The following AK8 variants were observed in gnomAD, a reference collection of about 807,000 sequenced individuals.
The protein encoded by AK8 is adenylate kinase 8, also known as ATP-AMP transphosphorylase 8.
In AK8, 44 loss-of-function variants were observed where a neutral mutation model predicts 54.6. The observed-to-expected ratio is 0.81, with a 90% CI of 0.63 to 1.04. The LOEUF is 1.04. AK8 is among the 50% of genes least tolerant of loss of function. AK8 has a pLI of 0.00. For synonymous variants in AK8, 239 were observed against 245.6 expected (o/e 0.97, Z 0.25); for missense variants, 555 against 613.6 (o/e 0.90, Z 1.01).
chr9:132,820,821 G>A (rs149388516), intron 9 of AK8, among the ~76,000 whole-genome samples: 40 of 152,292 alleles, frequency 2.6e-4, no homozygotes, highest in Non-Finnish European at 4.7e-4. Context: ...TGGCCGCAGC[G>A]GAGCAGACAG....
chr9:132,779,543 T>C (rs928669016), intron 11 of AK8, among the ~76,000 whole-genome samples: 4 of 152,212 alleles, frequency 2.6e-5, no homozygotes, highest in Admixed American at 2.0e-4. Flanking sequence ...CCCTACACAT[T>C]TGAATAAGAG....
chr9:132,826,907 T>C lies in AK8; in HGVS notation c.704A>G (p.Lys235Arg). ...GTCAGCACTGATGACTTTGAGGATTTTGGGGTAGGAGGGAATGACCCTGAC... is the reference window on the plus strand; with the variant it reads ...GTCAGCACTGATGACTTTGAGGATTCTGGGGTAGGAGGGAATGACCCTGAC... ...NIVRVIPSYPKILKVISADQP... is the reference protein window; with the variant it reads ...NIVRVIPSYPRILKVISADQP... Residue 235 changes from lysine (K) to arginine (R), a missense_variant, in exon 8 of 13, where the codon AAA becomes AGA. Lys to Arg is a conservative substitution (Grantham distance 26). Coordinates refer to ENST00000298545, the MANE Select transcript of AK8 (RefSeq NM_152572.3). This position sits in a 1 kb window ranked among gnomAD's most constrained non-coding sequence, Gnocchi z 4.5. The C allele has an allele frequency of 6.2e-7, 1 of 1,614,194 alleles. No homozygotes were observed. The highest frequency in any genetic ancestry group is 8.5e-7 in the Non-Finnish European group (1 of 1,180,040).
chr9:132,741,494 G>C (rs1330705190), intron 11 of AK8, among the ~76,000 whole-genome samples: 1 of 152,156 alleles, frequency 6.6e-6, no homozygotes, highest in Non-Finnish European at 1.5e-5. Context: ...CAGCTGGGTT[G>C]GTGAACATTT....
chr9:132,849,871 G>A (rs534858129), intron 5 of AK8, among the ~76,000 whole-genome samples: 3 of 151,044 alleles, frequency 2.0e-5, no homozygotes, highest in African/African-American at 4.9e-5. Context: ...TCAGCCTCCC[G>A]AGTAGCTGCG....
chr9:132,732,819 T>G (rs1199092056), intron 11 of AK8, among the ~76,000 whole-genome samples: 3 of 152,144 alleles, frequency 2.0e-5, no homozygotes, highest in Non-Finnish European at 4.4e-5. Context: ...CCTCTTCTCT[T>G]GCCTAGGCTG....
intron 8 of AK8, among the ~76,000 whole-genome samples, chr9:132,825,551 C>A (rs1185123905): frequency 6.6e-6 from 1 of 152,150 alleles, no homozygotes; most frequent in Non-Finnish European, 1.5e-5. Context: ...TATAAGCCAT[C>A]ATAAGCCTGG....
At chr9:132,780,504 T>C (rs970644807) in intron 11 of AK8, among the ~76,000 whole-genome samples, 1 of 152,196 alleles carries the variant, frequency 6.6e-6, no homozygotes, top group African/African-American at 2.4e-5. Context: ...GGGAGCCATA[T>C]GCAATGAGAA....
intron 10 of AK8, among the ~76,000 whole-genome samples, chr9:132,802,755 C>CT (rs1353724715): frequency 2.0e-5 from 3 of 152,218 alleles, no homozygotes; most frequent in African/African-American, 7.2e-5. Flanking sequence ...GCCCAGCTCT[C>CT]TTAGGCAGTT....
Position 132,725,644 on chromosome 9 carries a change from G to A in AK8, c.*44C>T, listed in dbSNP as rs754008893. On this transcript the variant is annotated 3_prime_UTR_variant, in exon 13 of 13. Coordinates refer to ENST00000298545, the MANE Select transcript of AK8 (RefSeq NM_152572.3). ...CCGAGGCTGGGGGGCTGGGGGCAGG[G>A]GATTAACTCTTTCCCTGGGGCAGCG... 4.4e-5 allele frequency: 67 copies of A among 1,511,476 alleles called. No homozygotes were observed. Among genetic ancestry groups the A allele is most frequent in the Non-Finnish European group, 5.9e-5 (66 of 1,109,446 alleles). The allele number at this position is 1,511,476 out of a possible 1,614,324, so 93.6% of individuals were successfully genotyped here.
chr9:132,849,131 A>G (rs1308849527), intron 5 of AK8, among the ~76,000 whole-genome samples: 1 of 152,070 alleles, frequency 6.6e-6, no homozygotes, highest in Non-Finnish European at 1.5e-5. Flanking sequence ...GATGGTCTCA[A>G]TCTTTGGATC....
chr9:132,735,615 A>G (rs1462485783), intron 11 of AK8, among the ~76,000 whole-genome samples: 1 of 152,188 alleles, frequency 6.6e-6, no homozygotes, highest in Non-Finnish European at 1.5e-5. Flanking sequence ...GCTCTTGCAC[A>G]TTGCTGCTGG....
intron 4 of AK8, among the ~76,000 whole-genome samples, chr9:132,855,328 C>T (rs1351699112): frequency 6.6e-6 from 1 of 152,192 alleles, no homozygotes; most frequent in African/African-American, 2.4e-5. Context: ...CCACCGCACA[C>T]GCTAATGGAC....
chr9:132,788,886 A>T (rs1457216337), intron 11 of AK8, among the ~76,000 whole-genome samples: 3 of 152,256 alleles, frequency 2.0e-5, no homozygotes, highest in African/African-American at 4.8e-5. Flanking sequence ...AAAAATTCTA[A>T]TCCATATTAT....
intron 10 of AK8, among the ~76,000 whole-genome samples, chr9:132,798,812 T>TG (rs1454959220): frequency 6.6e-6 from 1 of 152,014 alleles, no homozygotes; most frequent in African/African-American, 2.4e-5. Context: ...GCCCTTGGCA[T>TG]GGGGGTAGAT....
intron 10 of AK8, among the ~76,000 whole-genome samples, chr9:132,809,188 C>T (rs1404524066): frequency 6.6e-6 from 1 of 152,116 alleles, no homozygotes; most frequent in Non-Finnish European, 1.5e-5. Context: ...TGAAACAGAC[C>T]TAGGATTGAA....
At chr9:132,804,948 C>A (rs1356457868) in intron 10 of AK8, among the ~76,000 whole-genome samples, 4 of 152,342 alleles carry the variant, frequency 2.6e-5, no homozygotes, top group Non-Finnish European at 5.9e-5. Context: ...CGTGTCAGCT[C>A]CCGTCAGGCG....
chr9:132,779,490 C>T (rs577641710), intron 11 of AK8, among the ~76,000 whole-genome samples: 1 of 152,298 alleles, frequency 6.6e-6, no homozygotes, highest in Admixed American at 6.5e-5. Context: ...CGCGGCTTAG[C>T]GTGTAACTTG....
At chr9:132,833,538 C>G (rs558410696) in intron 5 of AK8, among the ~76,000 whole-genome samples, 1 of 152,254 alleles carries the variant, frequency 6.6e-6, no homozygotes, top group South Asian at 2.1e-4. Flanking sequence ...TTGTTCAGAG[C>G]AGGTTAATTG....
intron 2 of AK8, among the ~76,000 whole-genome samples, chr9:132,870,964 G>A (rs146870494): frequency 2.6e-5 from 4 of 152,238 alleles, no homozygotes; most frequent in African/African-American, 4.8e-5. Flanking sequence ...TCACCTAGGC[G>A]GCCGGGTATG....
Sources: gnomAD v4.1 joint callset for allele counts (sites outside exome capture counted in the v4.1 genomes callset) on GRCh38, gnomAD v4.1.1 for gene constraint, Gnocchi (gnomAD v3.1) non-coding constraint, MANE v1.5 for transcripts, NCBI Gene and HGNC (gene_info 2026-07-23, HGNC 2026-07-21) for gene names.